The following MACROD2 variants were observed in gnomAD, a reference collection of about 807,000 sequenced individuals.
MACROD2 encodes mono-ADP ribosylhydrolase 2.
In MACROD2, 36 loss-of-function variants were observed where a neutral mutation model predicts 70.4. That is an observed-to-expected ratio of 0.51 (90% CI 0.39 to 0.68). The LOEUF (loss-of-function observed/expected upper bound fraction) is 0.68, where lower values mean the gene tolerates loss of function less well. Ranked by LOEUF, MACROD2 falls within the 30% of genes least tolerant of loss-of-function variation. MACROD2 has a pLI of 0.00. For synonymous variants in MACROD2, 172 were observed against 178.8 expected, an observed-to-expected ratio of 0.96 and a Z score of 0.30; for missense variants, 496 against 538.4, an observed-to-expected ratio of 0.92 and a Z score of 0.78.
At chr20:14,097,778 A>G (rs1448777484) in intron 3 of MACROD2, among the ~76,000 whole-genome samples, 1 of 152,206 alleles carries the variant, frequency 6.6e-6, no homozygotes, top group African/African-American at 2.4e-5. Context: ...GATGGGACCC[A>G]AGTCTAAACA....
intron 5 of MACROD2, among the ~76,000 whole-genome samples, chr20:14,846,352 T>C (rs571218439): frequency 6.6e-6 from 1 of 152,052 alleles, no homozygotes; most frequent in Non-Finnish European, 1.5e-5. Flanking sequence ...GCCTCCTGAG[T>C]AGCTGGAGTT....
intron 8 of MACROD2, among the ~76,000 whole-genome samples, chr20:15,601,883 C>T (rs765501999): frequency 6.6e-6 from 1 of 151,992 alleles, no homozygotes; most frequent in Non-Finnish European, 1.5e-5. Flanking sequence ...AAAAAACTAG[C>T]CGGGTGTGTT....
chr20:14,910,368 G>A (rs1377448968), intron 5 of MACROD2, among the ~76,000 whole-genome samples: 2 of 152,162 alleles, frequency 1.3e-5, no homozygotes, highest in Non-Finnish European at 2.9e-5. Flanking sequence ...AGCCCCTCAA[G>A]GGAGCTGTAA....
At chr20:14,720,998 T>TA (rs1378592378) in intron 5 of MACROD2, among the ~76,000 whole-genome samples, 1 of 151,998 alleles carries the variant, frequency 6.6e-6, no homozygotes. Context: ...CTCAAGCCTG[T>TA]AATCCCAGCA....
At chr20:15,551,428 AT>A (rs2048095210) in intron 8 of MACROD2, among the ~76,000 whole-genome samples, 1 of 149,132 alleles carries the variant, frequency 6.7e-6, no homozygotes, top group Non-Finnish European at 1.5e-5. Context: ...TCATATTATT[AT>A]TTTACCATAA....
At chr20:14,441,557 C>G (rs1249359203) in intron 3 of MACROD2, among the ~76,000 whole-genome samples, 1 of 152,154 alleles carries the variant, frequency 6.6e-6, no homozygotes, top group African/African-American at 2.4e-5. Context: ...CTCTCAGCTT[C>G]CAATAAAGAT....
intron 9 of MACROD2, among the ~76,000 whole-genome samples, chr20:15,877,535 G>T (rs113226497): frequency 6.6e-5 from 10 of 152,182 alleles, no homozygotes; most frequent in African/African-American, 2.4e-4. Context: ...TTTGTTAGAT[G>T]CAGTGAGTCC....
At chr20:15,853,233 G>A (rs1425723643) in intron 8 of MACROD2, among the ~76,000 whole-genome samples, 1 of 152,114 alleles carries the variant, frequency 6.6e-6, no homozygotes. Flanking sequence ...ACAAGCAACT[G>A]ATGTTTATGG....
intron 4 of MACROD2, among the ~76,000 whole-genome samples, chr20:14,682,464 T>C (rs957470417): frequency 2.0e-5 from 3 of 151,206 alleles, no homozygotes; most frequent in Non-Finnish European, 2.9e-5. Flanking sequence ...TTACATTACA[T>C]ATATATATCC....
intron 8 of MACROD2, among the ~76,000 whole-genome samples, chr20:15,505,101 T>A (rs78242944): frequency 0.066 from 9,971 of 152,134 alleles, 465 homozygotes; most frequent in East Asian, 0.23. Context: ...ACAATGCACA[T>A]ATTTGCCATT....
At chr20:14,206,837 A>G (rs2081528110) in intron 3 of MACROD2, among the ~76,000 whole-genome samples, 1 of 152,156 alleles carries the variant, frequency 6.6e-6, no homozygotes, top group African/African-American at 2.4e-5. Context: ...AATTTTACCA[A>G]GCATTTCCTA....
chr20:14,717,725 G>A (rs1437603263), intron 5 of MACROD2, among the ~76,000 whole-genome samples: 1 of 152,036 alleles, frequency 6.6e-6, no homozygotes, highest in African/African-American at 2.4e-5. Flanking sequence ...TAATAGAACT[G>A]ATCCTTGAGT....
intron 3 of MACROD2, among the ~76,000 whole-genome samples, chr20:14,132,531 A>G (rs1223067055): frequency 6.6e-6 from 1 of 152,258 alleles, no homozygotes; most frequent in Non-Finnish European, 1.5e-5. Context: ...CATTTGAAAG[A>G]TAAATTCCAA....
chr20:15,132,148 G>C (rs6131642), intron 5 of MACROD2, among the ~76,000 whole-genome samples: 11,881 of 151,994 alleles, frequency 0.078, 564 homozygotes, highest in East Asian at 0.26. Context: ...TATGATAAAA[G>C]TTGCAATTCA....
In MACROD2 at chr20:14,056,930, C is replaced by T. The variant is rs562714134; in HGVS notation, c.164-28691C>T. Among the ~76,000 whole-genome samples, 170 of 151,254 alleles carry T rather than the reference C, an allele frequency of 1.1e-3. 1 individual carries two copies. Among genetic ancestry groups the T allele is most frequent in the Non-Finnish European group, 2.0e-3 (136 of 67,742 alleles). On this transcript the variant is annotated intron_variant, in intron 2 of 17. Transcript: ENST00000684519. ...TGTCATTTTTCTCATTGTTTTTTAA[C>T]GTTTTATTGCTACATTATTTGATTC...
intron 4 of MACROD2, among the ~76,000 whole-genome samples, chr20:14,543,381 GTCTC>G (rs2085455998): frequency 6.6e-6 from 1 of 151,972 alleles, no homozygotes; most frequent in Non-Finnish European, 1.5e-5. Context: ...ATATTCCCTG[GTCTC>G]TTTAAGTTTT....
chr20:14,326,201 A>G lies in MACROD2; in HGVS notation c.272-167278A>G, dbSNP rs1199291152. On this transcript the variant is annotated intron_variant, in intron 3 of 17. Coordinates refer to ENST00000684519, the MANE Select transcript of MACROD2 (RefSeq NM_001351661.2). This position sits in a 1 kb window ranked among gnomAD's most constrained non-coding sequence, Gnocchi z 5.5. ...CCCAGTTTAAGCCAGCTGAGTCTCA[A>G]AGCAGTCATAGGTAGAGCAAGTTTC... The G allele has an allele frequency of 6.2e-7, 1 of 1,613,906 alleles. No homozygotes were observed. The highest frequency in any genetic ancestry group is 1.1e-5 in the South Asian group (1 of 91,074).
intron 4 of MACROD2, among the ~76,000 whole-genome samples, chr20:14,502,570 G>T (rs1005171943): frequency 2.0e-5 from 3 of 152,184 alleles, no homozygotes; most frequent in African/African-American, 7.2e-5. Flanking sequence ...ATAACTAATT[G>T]CCCACTGTAA....
chr20:14,610,956 A>G (rs1983122165), intron 4 of MACROD2, among the ~76,000 whole-genome samples: 1 of 152,168 alleles, frequency 6.6e-6, no homozygotes, highest in Non-Finnish European at 1.5e-5. Flanking sequence ...GGAGACTCAT[A>G]TTAACAAACG....
Sources: allele counts gnomAD v4.1 joint callset (sites outside exome capture counted in the v4.1 genomes callset), GRCh38; gene constraint gnomAD v4.1.1; non-coding constraint Gnocchi (gnomAD v3.1); transcripts MANE v1.5; gene names NCBI Gene and HGNC (gene_info 2026-07-23, HGNC 2026-07-21).